The following FIGN variants were observed in gnomAD, a reference collection of about 807,000 sequenced individuals.
FIGN encodes fidgetin.
FIGN carries 11 observed loss-of-function variants against 51.3 expected under a neutral mutation model. The ratio of observed to expected loss-of-function variants is 0.21; its 90% CI spans 0.13 to 0.35. The LOEUF (loss-of-function observed/expected upper bound fraction) is 0.35. Ranked by LOEUF, FIGN falls within the 10% of genes least tolerant of loss-of-function variation. The pLI is 1.00. For synonymous variants in FIGN, 407 were observed against 363.2 expected (o/e 1.12, Z -1.37); for missense variants, 857 against 943.6 (o/e 0.91, Z 1.20).
intron 2 of FIGN, among the ~76,000 whole-genome samples, chr2:163,633,148 C>T (rs1683173358): frequency 6.6e-6 from 1 of 152,052 alleles, no homozygotes; most frequent in Non-Finnish European, 1.5e-5. Context: ...TGGACCACTG[C>T]ACTCCAGCCT....
At chr2:163,651,024 G>A (rs1573926846) in intron 2 of FIGN, among the ~76,000 whole-genome samples, 4 of 152,116 alleles carry the variant, frequency 2.6e-5, no homozygotes, top group Admixed American at 1.3e-4. Context: ...GACCCAGGGC[G>A]CTGCAGAAAC....
intron 2 of FIGN, among the ~76,000 whole-genome samples, chr2:163,699,738 T>G (rs1214692859): frequency 6.6e-6 from 1 of 152,176 alleles, no homozygotes; most frequent in African/African-American, 2.4e-5. Flanking sequence ...TAGTGAATTT[T>G]TGAATAGAAG....
chr2:163,622,368 T>C (rs574917128), intron 2 of FIGN, among the ~76,000 whole-genome samples: 25 of 152,016 alleles, frequency 1.6e-4, no homozygotes, highest in African/African-American at 6.0e-4. Flanking sequence ...GCTCCCAATA[T>C]TGTTTTTGGT....
rs1445384427 is a variant in FIGN at position 163,609,722 on chromosome 2, G to C, written c.2110C>G (p.Pro704Ala). The C allele has an allele frequency of 1.9e-6, 3 of 1,613,932 alleles. No individual in the cohort carries two copies. In the East Asian group the frequency reaches 6.7e-5, roughly 36 times the overall value. ...AHLCQEAVVG[P>A]LHAMPATDLS... The stretch of plus-strand genomic sequence containing the variant: ...TCTGTGGCTGGCATGGCATGGAGGG[G>C]GCCCACCACTGCTTCCTGACACAAA... Residue 704 changes from proline to alanine, a missense_variant, in exon 3 of 3, where the codon CCC (proline) becomes GCC (alanine). Around this residue, in one of 3 missense-constraint regions of FIGN, gnomAD observed 799 missense variants for 849.5 expected, o/e 0.94. Transcript: ENST00000333129.
At chr2:163,695,802 T>C (rs574941027) in intron 2 of FIGN, among the ~76,000 whole-genome samples, 1 of 152,170 alleles carries the variant, frequency 6.6e-6, no homozygotes, top group African/African-American at 2.4e-5. Flanking sequence ...GCTTAGCACA[T>C]CTTGGATTCT....
At position 163,721,589 on chromosome 2, in the gene FIGN, T is replaced by C. The variant is rs1273054612; in HGVS notation, c.25+13314A>G. 2.0e-5 allele frequency among the ~76,000 whole-genome samples: 3 copies of C among 149,596 alleles called. No homozygotes were observed. The East Asian group carries it at 5.8e-4, about 29-fold the overall frequency. On this transcript the variant is annotated intron_variant, in intron 2 of 2. Transcript: ENST00000333129. ...GATGCAGTGTTTTTATACAATTAACTAAGCAACATTTGTCCATTATAGCTC... is the reference window on the plus strand; with the variant it reads ...GATGCAGTGTTTTTATACAATTAACCAAGCAACATTTGTCCATTATAGCTC...
At position 163,607,589 on chromosome 2, in the gene FIGN, A is replaced by G. The variant is rs1160428360; in HGVS notation, c.*1963T>C. 1 of 147,404 alleles carries G rather than the reference A, an allele frequency of 6.8e-6. No homozygotes were observed. Among genetic ancestry groups the G allele is most frequent in the East Asian group, 2.0e-4 (1 of 5,126 alleles). 9.1% of individuals were successfully genotyped at this position (147,404 alleles called of 1,614,324 possible). On this transcript the variant is annotated 3_prime_UTR_variant, in exon 3 of 3. Transcript: ENST00000333129. ...TAAGATCGGTAAAAATTTTTGTAAG[A>G]AAAAAAAAACAGAAAGGCCTTTCTT...
intron 2 of FIGN, among the ~76,000 whole-genome samples, chr2:163,623,391 A>C (rs1253198143): frequency 6.6e-6 from 1 of 152,128 alleles, no homozygotes; most frequent in Non-Finnish European, 1.5e-5. Flanking sequence ...AAAACTCCAT[A>C]TCTTATTGGT....
At chr2:163,723,474 G>T (rs1244955311) in intron 2 of FIGN, among the ~76,000 whole-genome samples, 1 of 152,056 alleles carries the variant, frequency 6.6e-6, no homozygotes, top group Non-Finnish European at 1.5e-5. Context: ...ATGTTCTAAG[G>T]GACAATTAAG....
At chr2:163,627,754 A>T (rs1043413198) in intron 2 of FIGN, among the ~76,000 whole-genome samples, 4 of 152,074 alleles carry the variant, frequency 2.6e-5, no homozygotes, top group African/African-American at 9.7e-5. Flanking sequence ...CCTTCCACAT[A>T]TTTCCATGAA....
intron 2 of FIGN, among the ~76,000 whole-genome samples, chr2:163,654,083 TA>T (rs1683520933): frequency 6.6e-6 from 1 of 152,068 alleles, no homozygotes; most frequent in Non-Finnish European, 1.5e-5. Flanking sequence ...TATGAATGAA[TA>T]ATCTCGAGGA....
chr2:163,630,339 T>C lies in FIGN; in HGVS notation c.26-18533A>G, dbSNP rs139774490. On this transcript the variant is annotated intron_variant, in intron 2 of 2. Coordinates refer to ENST00000333129, the MANE Select transcript of FIGN (RefSeq NM_018086.4). ...AGGTAGAATCCATTTGTTTTCTGGA[T>C]CTCCTTTCATTTTTCTGAAGACATG... Among the ~76,000 whole-genome samples the C allele has an allele frequency of 2.9e-3, 439 of 152,128 alleles. 2 individuals are homozygous for C. Among genetic ancestry groups the C allele is most frequent in the African/African-American group, 0.01 (418 of 41,508 alleles).
At position 163,609,000 on chromosome 2, in the gene FIGN, T is replaced by G. The variant is rs2105296926; in HGVS notation, c.*552A>C. 1 of 153,198 alleles carries G rather than the reference T, an allele frequency of 6.5e-6. No individual in the cohort carries two copies. The highest frequency in any genetic ancestry group is 1.9e-4 in the East Asian group (1 of 5,178). 9.5% of individuals were successfully genotyped at this position (153,198 alleles called of 1,614,324 possible). ...AGGTCCAGATTACCGTTACCCTGTT[T>G]TACCTGTTCTTAGCTTAATACTGCA... On this transcript the variant is annotated 3_prime_UTR_variant, in exon 3 of 3. Transcript: ENST00000333129.
At chr2:163,734,115 CT>C (rs111966025) in intron 2 of FIGN, among the ~76,000 whole-genome samples, 73 of 145,576 alleles carry the variant, frequency 5.0e-4, no homozygotes, top group Admixed American at 6.9e-4. Flanking sequence ...ATTTAACTGA[CT>C]TTTTTTTTTT....
intron 2 of FIGN, among the ~76,000 whole-genome samples, chr2:163,685,742 A>G (rs565235063): frequency 6.6e-6 from 1 of 152,332 alleles, no homozygotes; most frequent in Non-Finnish European, 1.5e-5. Context: ...TTCCTAAGAC[A>G]TGCAATACAG....
chr2:163,614,889 A>G (rs567707852), intron 2 of FIGN, among the ~76,000 whole-genome samples: 2 of 152,300 alleles, frequency 1.3e-5, no homozygotes, highest in East Asian at 1.9e-4. Flanking sequence ...TTGTAAATAT[A>G]TTATTCATAC....
Position 163,609,223 on chromosome 2 carries a change from G to A in FIGN, c.*329C>T, listed in dbSNP as rs1040055312. ...AGGCACTTGACAGCAACTAAATCTC[G>A]AGAACAGCAGAATGGAATCAACACA... On this transcript the variant is annotated 3_prime_UTR_variant, in exon 3 of 3. Transcript: ENST00000333129. The A allele has an allele frequency of 1.6e-5, 4 of 248,958 alleles. No homozygotes were observed. The highest frequency in any genetic ancestry group is 1.6e-4 in the East Asian group (2 of 12,634). The allele number at this position is 248,958 out of a possible 1,614,324, so 15.4% of individuals were successfully genotyped here.
At chr2:163,718,801 A>G (rs542043407) in intron 2 of FIGN, among the ~76,000 whole-genome samples, 58 of 151,668 alleles carry the variant, frequency 3.8e-4, no homozygotes, top group African/African-American at 1.3e-3. Context: ...AAGTATATTG[A>G]TATAATAAAC....
intron 2 of FIGN, among the ~76,000 whole-genome samples, chr2:163,686,004 G>T (rs928871817): frequency 3.9e-5 from 6 of 152,226 alleles, no homozygotes; most frequent in Non-Finnish European, 7.3e-5. Context: ...ATTTGGGACA[G>T]TCATCAAATT....
Sources: gnomAD v4.1 joint callset for allele counts (sites outside exome capture counted in the v4.1 genomes callset) on GRCh38, gnomAD v4.1.1 for gene constraint, gnomAD v4.1.1 regional missense constraint, MANE v1.5 for transcripts, NCBI Gene and HGNC (gene_info 2026-07-23, HGNC 2026-07-21) for gene names.